CHRNA4: variants seen among roughly 807,000 people sequenced by gnomAD.
CHRNA4 encodes neuronal acetylcholine receptor subunit alpha-4.
A neutral mutation model predicts 48.9 loss-of-function variants in CHRNA4; 28 were observed. That is an observed-to-expected ratio of 0.57 (90% CI 0.42 to 0.79). The LOEUF (loss-of-function observed/expected upper bound fraction) is 0.79, where lower values mean the gene tolerates loss of function less well. Ranked by LOEUF, CHRNA4 falls within the 30% of genes least tolerant of loss-of-function variation. CHRNA4 has a pLI of 0.00. For synonymous variants in CHRNA4, 425 were observed against 402.3 expected (o/e 1.06, Z -0.68); for missense variants, 859 against 898.4 (o/e 0.96, Z 0.56).
chr20:63,358,837 C>A (rs533150469), intron 2 of CHRNA4, among the ~76,000 whole-genome samples: 2 of 152,334 alleles, frequency 1.3e-5, no homozygotes, highest in South Asian at 4.1e-4. Context: ...CGCCGAGACC[C>A]CCAGACAGTC....
chr20:63,348,079 G>A (rs2068524333), intron 5 of CHRNA4, among the ~76,000 whole-genome samples: 1 of 152,218 alleles, frequency 6.6e-6, no homozygotes, highest in African/African-American at 2.4e-5. Context: ...ATGAAACGCA[G>A]CCGCAGACCA....
At position 63,350,203 on chromosome 20, in the gene CHRNA4, G is replaced by C. The variant is rs766143571; in HGVS notation, c.1208C>G (p.Pro403Arg). Residue 403 changes from proline (P) to arginine (R), a missense_variant, in exon 5 of 6, where the codon CCG (proline) becomes CGG (arginine). Around this residue, in one of 3 missense-constraint regions of CHRNA4, gnomAD observed 478 missense variants for 455.4 expected, o/e 1.05. Transcript: ENST00000370263. ...PATSGTQSLH[P>R]PSPSFCVPLD... The stretch of plus-strand genomic sequence containing the variant: ...GGGGACACAGAAGGACGGTGAGGGC[G>C]GGTGCAGGCTCTGGGTGCCGCTCGT... The C allele has an allele frequency of 6.2e-7, 1 of 1,602,010 alleles. No homozygotes were observed. The highest frequency in any genetic ancestry group is 8.5e-7 in the Non-Finnish European group (1 of 1,173,852).
At chr20:63,358,097 G>A (rs1478800100) in intron 2 of CHRNA4, among the ~76,000 whole-genome samples, 1 of 152,172 alleles carries the variant, frequency 6.6e-6, no homozygotes, top group African/African-American at 2.4e-5. Context: ...TGTGCAACCC[G>A]CATTGTCTTC....
At chr20:63,355,765 G>T in intron 4 of CHRNA4, 1 of 816,314 alleles carries the variant, frequency 1.2e-6, no homozygotes, top group Non-Finnish European at 1.9e-6. Flanking sequence ...TTGCTGGCCT[G>T]GGGGGACCCT....
At chr20:63,354,592 G>T (rs1418609791) in intron 4 of CHRNA4, 6 of 466,612 alleles carry the variant, frequency 1.3e-5, no homozygotes, top group Non-Finnish European at 1.6e-5. Flanking sequence ...GAAGTGGGGG[G>T]GGCTGCAGTA....
At chr20:63,361,039 G>A (rs976953795) in intron 1 of CHRNA4, 51 bp downstream of exon 1, 3 of 1,364,906 alleles carry the variant, frequency 2.2e-6, no homozygotes, top group South Asian at 3.1e-5. Context: ...GGGGGTCCCA[G>A]GCCATCCGAA....
intron 2 of CHRNA4, among the ~76,000 whole-genome samples, chr20:63,357,171 A>G (rs62206913): frequency 1.1e-4 from 1 of 8,816 alleles, no homozygotes; most frequent in African/African-American, 1.9e-4. Flanking sequence ...ACAGGACCAC[A>G]TTCCCACAGG....
At chr20:63,359,868 T>TGTGTGTGTG in intron 1 of CHRNA4, 169 bp from the exon 2 acceptor site, 1 of 70,998 alleles carries the variant, frequency 1.4e-5, no homozygotes, top group African/African-American at 8.7e-5. Context: ...GGGCGTGCGC[T>TGTGTGTGTG]CTGTGTGTGT....
chr20:63,355,293 C>A, intron 4 of CHRNA4: 1 of 354,998 alleles, frequency 2.8e-6, no homozygotes, highest in Non-Finnish European at 5.5e-6. Context: ...TCCGTGGCAA[C>A]GCTGCCCTGG....
Position 63,343,803 on chromosome 20 carries a change from G to A in CHRNA4, c.*2935C>T, listed in dbSNP as rs189437766. On this transcript the variant is annotated 3_prime_UTR_variant, in exon 6 of 6. Transcript: ENST00000370263. The stretch of plus-strand genomic sequence containing the variant: ...GCTGCAGCAGTGTCTCCCGCTGCCT[G>A]GTGCCTGGCACAGGGCGGGGAAACG... 1 of 454,130 alleles carries A rather than the reference G, an allele frequency of 2.2e-6. No individual in the cohort carries two copies. Among genetic ancestry groups the A allele is most frequent in the East Asian group, 7.0e-5 (1 of 14,388 alleles). 28.1% of individuals were successfully genotyped at this position (454,130 alleles called of 1,614,324 possible).
At chr20:63,360,957 G>T (rs984642692) in intron 1 of CHRNA4, 133 bp downstream of exon 1, 2 of 710,654 alleles carry the variant, frequency 2.8e-6, no homozygotes, top group Non-Finnish European at 4.1e-6. Flanking sequence ...GGGATGGGGA[G>T]CCTCGCGGTC....
At chr20:63,348,664 T>C (rs2068533070) in intron 5 of CHRNA4, among the ~76,000 whole-genome samples, 1 of 152,130 alleles carries the variant, frequency 6.6e-6, no homozygotes, top group Non-Finnish European at 1.5e-5. Context: ...AGCAGGTGGA[T>C]GGACAGGACA....
At chr20:63,354,706 C>T (rs1371992242) in intron 4 of CHRNA4, 8 of 979,280 alleles carry the variant, frequency 8.2e-6, no homozygotes, top group Non-Finnish European at 8.5e-6. Context: ...TGCACAGGCA[C>T]CCAGAGCGGC....
Position 63,356,026 on chromosome 20 carries a change from A to G in CHRNA4, c.332T>C (p.Ile111Thr), listed in dbSNP as rs779702890. The part of the protein sequence containing the change: ...DPADYENVTS[I>T]RIPSELIWRP... ...CCAGATGAGCTCGGAGGGGATGCGG[A>G]TGGAGGTGACATTCTCATAGTCAGC... The change falls in exon 4 of 6, where the codon ATC becomes ACC. Residue 111 changes from isoleucine to threonine, a missense_variant. Physicochemically the swap from Ile to Thr is moderately conservative, Grantham distance 89. Transcript: ENST00000370263. The G allele has an allele frequency of 6.2e-7, 1 of 1,603,780 alleles. No individual in the cohort carries two copies. The highest frequency in any genetic ancestry group is 8.5e-7 in the Non-Finnish European group (1 of 1,175,788).
In CHRNA4 at chr20:63,350,328, C is replaced by T. The variant is rs202140852; in HGVS notation, c.1083G>A (p.Pro361=). Residue 361 remains proline (P), a synonymous_variant, in exon 5 of 6, where the codon CCG becomes CCA. Coordinates refer to ENST00000370263, the MANE Select transcript of CHRNA4 (RefSeq NM_000744.7). The stretch of plus-strand genomic sequence containing the variant: ...GCCGGCAATTGTCCTTGACCACGGA[C>T]GGCCGCTTCATGAGGAGCAGGCGTG... The part of the protein sequence containing the change: ...IVPRLLLMKR[P]SVVKDNCRRL... 2.9e-5 allele frequency: 47 copies of T among 1,613,240 alleles called. No individual in the cohort carries two copies. The highest frequency in any genetic ancestry group is 4.0e-5 in the African/African-American group (3 of 74,928).
At chr20:63,351,483 A>G (rs1038980604) in intron 4 of CHRNA4, among the ~76,000 whole-genome samples, 4 of 152,308 alleles carry the variant, frequency 2.6e-5, no homozygotes, top group Middle Eastern at 3.4e-3. Flanking sequence ...GGATGGGGCT[A>G]GTCTCCCAGC....
intron 4 of CHRNA4, chr20:63,355,718 G>C: frequency 1.2e-6 from 1 of 831,742 alleles, no homozygotes; most frequent in Admixed American, 2.2e-5. Context: ...CGGCTCTGAC[G>C]CTCCAGTGCT....
chr20:63,343,338 A>G lies in CHRNA4; in HGVS notation c.*3400T>C, dbSNP rs1442819427. 1 of 451,280 alleles carries G rather than the reference A, an allele frequency of 2.2e-6. No individual in the cohort carries two copies. The highest frequency in any genetic ancestry group is 4.5e-6 in the Non-Finnish European group (1 of 224,638). 28.0% of individuals were successfully genotyped at this position (451,280 alleles called of 1,614,324 possible). ...GCCGCACCTGGGCTCGGCGGGCCACACGGTCGGCGGGGCTTGGTCCATGGG... is the reference window on the plus strand; with the variant it reads ...GCCGCACCTGGGCTCGGCGGGCCACGCGGTCGGCGGGGCTTGGTCCATGGG... On this transcript the variant is annotated 3_prime_UTR_variant, in exon 6 of 6. Transcript: ENST00000370263.
chr20:63,349,439 A>T, intron 5 of CHRNA4: 1 of 629,060 alleles, frequency 1.6e-6, no homozygotes, highest in Non-Finnish European at 2.8e-6. Flanking sequence ...ACCCTGTGCC[A>T]GCCACTCGGG....
Sources: allele counts gnomAD v4.1 joint callset (sites outside exome capture counted in the v4.1 genomes callset), GRCh38; gene constraint gnomAD v4.1.1; regional missense constraint gnomAD v4.1.1; transcripts MANE v1.5; gene names NCBI Gene and HGNC (gene_info 2026-07-23, HGNC 2026-07-21).